ITPK1: variants seen among roughly 807,000 people sequenced by gnomAD.
ITPK1 encodes the protein inositol-tetrakisphosphate 1-kinase, also known as inositol 1,3,4-trisphosphate 5/6-kinase.
In ITPK1, 21 loss-of-function variants were observed where a neutral mutation model predicts 45.3. That is an observed-to-expected ratio of 0.46 (90% CI 0.33 to 0.67). The LOEUF (loss-of-function observed/expected upper bound fraction) is 0.67, where lower values mean the gene tolerates loss of function less well. Among genes scored for constraint, ITPK1 ranks in the 30% least tolerant of loss-of-function variants. The pLI is 0.02. For synonymous variants in ITPK1, 258 were observed against 253.6 expected (o/e 1.02, Z -0.16); for missense variants, 474 against 573.5 (o/e 0.83, Z 1.77).
chr14:92,989,325 T>A (rs572764285), intron 5 of ITPK1, among the ~76,000 whole-genome samples: 5 of 152,024 alleles, frequency 3.3e-5, no homozygotes, highest in South Asian at 2.1e-4. Context: ...AGCAGACACA[T>A]GGGAACTTCT....
In ITPK1 at chr14:92,964,754, C is replaced by T. The variant is rs577032859; in HGVS notation, c.365-1905G>A. Among the ~76,000 whole-genome samples the T allele has an allele frequency of 5.9e-5, 9 of 152,304 alleles. No individual in the cohort carries two copies. The South Asian group carries it at 1.0e-3, about 18-fold the overall frequency. ...AGCTTCCAGACTCCCTGTGGCCCCC[C>T]GGAGTTTTTAGAGCAGGTGAATCAG... On this transcript the variant is annotated intron_variant, in intron 5 of 10. Transcript: ENST00000267615.
chr14:93,104,526 G>A (rs1892447683), intron 2 of ITPK1, among the ~76,000 whole-genome samples: 1 of 152,086 alleles, frequency 6.6e-6, no homozygotes, highest in Admixed American at 6.5e-5. Flanking sequence ...TGGATGCTGT[G>A]TTGAAGACAA....
intron 3 of ITPK1, among the ~76,000 whole-genome samples, chr14:93,067,242 G>C (rs748302550): frequency 3.9e-5 from 6 of 152,038 alleles, no homozygotes; most frequent in Non-Finnish European, 8.8e-5. Context: ...CTTGACATTT[G>C]ACAGCCAAGC....
chr14:92,980,177 G>A (rs1381657271), intron 5 of ITPK1, among the ~76,000 whole-genome samples: 6 of 152,162 alleles, frequency 3.9e-5, no homozygotes, highest in East Asian at 1.9e-4. Flanking sequence ...ACACAGCTTC[G>A]ATGCAGGATC....
At chr14:92,972,512 G>A (rs35377141) in intron 5 of ITPK1, among the ~76,000 whole-genome samples, 2,448 of 152,328 alleles carry the variant, frequency 0.016, 78 homozygotes, top group African/African-American at 0.057. Context: ...CTGGGAGGCA[G>A]TGCATTGCTG....
At chr14:92,986,503 G>A (rs1210107056) in intron 5 of ITPK1, among the ~76,000 whole-genome samples, 3 of 152,216 alleles carry the variant, frequency 2.0e-5, no homozygotes, top group Non-Finnish European at 2.9e-5. Context: ...AAAAGTGATC[G>A]GAGCCAGCTG....
At chr14:93,005,058 G>A (rs1475196711) in intron 4 of ITPK1, among the ~76,000 whole-genome samples, 1 of 152,092 alleles carries the variant, frequency 6.6e-6, no homozygotes, top group East Asian at 1.9e-4. Flanking sequence ...AAAGCAACAG[G>A]GTCCTGAGCT....
chr14:92,947,126 A>AC (rs1404595420), intron 9 of ITPK1, among the ~76,000 whole-genome samples: 1 of 152,068 alleles, frequency 6.6e-6, no homozygotes, highest in Non-Finnish European at 1.5e-5. Flanking sequence ...CATCACAGAG[A>AC]CCCCCAAGGA....
intron 3 of ITPK1, among the ~76,000 whole-genome samples, chr14:93,043,614 C>T (rs1239140019): frequency 1.3e-5 from 2 of 152,260 alleles, no homozygotes; most frequent in African/African-American, 4.8e-5. Flanking sequence ...GGAATGTGCA[C>T]TCAGGCCGTA....
At chr14:93,013,978 A>G (rs1888048402) in intron 4 of ITPK1, among the ~76,000 whole-genome samples, 1 of 152,092 alleles carries the variant, frequency 6.6e-6, no homozygotes, top group African/African-American at 2.4e-5. Context: ...TCTCTGTGCC[A>G]ACCCTGCCTG....
intron 2 of ITPK1, among the ~76,000 whole-genome samples, chr14:93,107,384 T>C (rs1296544037): frequency 6.6e-6 from 1 of 152,154 alleles, no homozygotes; most frequent in Non-Finnish European, 1.5e-5. Flanking sequence ...AGACTTAAAA[T>C]AAGCAGGACA....
At chr14:93,028,590 G>A (rs1472638170) in intron 3 of ITPK1, among the ~76,000 whole-genome samples, 2 of 152,166 alleles carry the variant, frequency 1.3e-5, no homozygotes, top group East Asian at 1.9e-4. Context: ...CAATACAGCC[G>A]ATGACAGCTG....
chr14:92,986,830 T>C (rs1886508359), intron 5 of ITPK1, among the ~76,000 whole-genome samples: 1 of 152,176 alleles, frequency 6.6e-6, no homozygotes, highest in Non-Finnish European at 1.5e-5. Context: ...CCAGTCGCCA[T>C]GAGAGCTCAG....
chr14:93,081,782 G>A (rs1891443898), intron 2 of ITPK1, among the ~76,000 whole-genome samples: 1 of 152,216 alleles, frequency 6.6e-6, no homozygotes, highest in African/African-American at 2.4e-5. Context: ...CCTCTCAGGG[G>A]GCGGGGGCTG....
intron 2 of ITPK1, among the ~76,000 whole-genome samples, chr14:93,087,209 C>T (rs939527238): frequency 3.9e-5 from 6 of 152,236 alleles, no homozygotes; most frequent in African/African-American, 1.2e-4. Context: ...GTTCTAAAGG[C>T]TGTCCACATT....
At chr14:93,095,580 T>TG (rs1555375880) in intron 2 of ITPK1, among the ~76,000 whole-genome samples, 10 of 139,376 alleles carry the variant, frequency 7.2e-5, no homozygotes, top group Admixed American at 3.1e-4. Flanking sequence ...CTAGGTTTTT[T>TG]TTTTTTTTTT....
chr14:93,064,217 A>G (rs568191599), intron 3 of ITPK1, among the ~76,000 whole-genome samples: 1 of 152,302 alleles, frequency 6.6e-6, no homozygotes, highest in South Asian at 2.1e-4. Context: ...TGGGAGGCAG[A>G]GCTTGCAGTG....
chr14:92,949,347 G>A (rs752203539), intron 9 of ITPK1, among the ~76,000 whole-genome samples: 7 of 152,170 alleles, frequency 4.6e-5, no homozygotes, highest in Non-Finnish European at 7.4e-5. Context: ...CGATCTGCCC[G>A]CCTTGGCCTC....
intron 8 of ITPK1, among the ~76,000 whole-genome samples, chr14:92,954,781 T>G (rs1044528509): frequency 1.3e-5 from 2 of 152,212 alleles, no homozygotes; most frequent in African/African-American, 4.8e-5. Flanking sequence ...GGGGAGAATG[T>G]GTCCTAATGC....
Sources: gnomAD v4.1 joint callset for allele counts (sites outside exome capture counted in the v4.1 genomes callset) on GRCh38, gnomAD v4.1.1 for gene constraint, MANE v1.5 for transcripts, NCBI Gene and HGNC (gene_info 2026-07-23, HGNC 2026-07-21) for gene names.